Variants in TEKT5 observed in about 807,000 individuals in gnomAD.
TEKT5 encodes tektin-5.
A neutral mutation model predicts 48.7 loss-of-function variants in TEKT5; 52 were observed. That is an observed-to-expected ratio of 1.07 (90% CI 0.86 to 1.35). TEKT5 has a LOEUF of 1.35. TEKT5 is among the 40% of genes most tolerant of loss of function. The pLI is 0.00. For missense variants in TEKT5, 831 were observed against 641.6 expected (o/e 1.30, Z -3.19); for synonymous variants, 318 against 267.6 (o/e 1.19, Z -1.84).
intron 4 of TEKT5, 49 bp from the exon 5 acceptor site, chr16:10,676,230 T>C: frequency 6.3e-7 from 1 of 1,583,024 alleles, no homozygotes; most frequent in South Asian, 1.1e-5. Flanking sequence ...GACCTCAGAA[T>C]CTGTGGTTTC....
intron 3 of TEKT5, among the ~76,000 whole-genome samples, chr16:10,683,045 C>A (rs976578450): frequency 3.9e-5 from 6 of 152,130 alleles, no homozygotes; most frequent in African/African-American, 1.4e-4. Flanking sequence ...ATGTACAGAA[C>A]AGAATGGTAA....
In TEKT5 at chr16:10,676,088, CT is replaced by C. The variant is rs747661407; in HGVS notation, c.956del (p.Glu319GlyfsTer31). 4 of 1,614,248 alleles carry C rather than the reference CT, an allele frequency of 2.5e-6. No homozygotes were observed. The highest frequency in any genetic ancestry group is 3.4e-6 in the Non-Finnish European group (4 of 1,180,046). On this transcript the variant is annotated frameshift_variant, in exon 5 of 7. Transcript: ENST00000283025. LOFTEE classifies it high-confidence loss of function. ...ACAAGGTCTCAAAGAGGTGCTCCGC[CT>C]CCTCCCGCAGCTGGATGGAGTTGGC... ...MRANSIQLRE[E>X]AEHLFETLSD...
chr16:10,692,848 G>A (rs1034012514), intron 1 of TEKT5: 3 of 152,238 alleles, frequency 2.0e-5, no homozygotes, highest in Non-Finnish European at 2.9e-5. Context: ...ACATGCTGTG[G>A]GTGGCAGAAC....
chr16:10,646,148 A>G (rs1235127395), intron 5 of TEKT5, among the ~76,000 whole-genome samples: 1 of 152,070 alleles, frequency 6.6e-6, no homozygotes, highest in Non-Finnish European at 1.5e-5. Context: ...AAAAAAAAAA[A>G]ATTTGTTGAT....
chr16:10,641,541 C>A (rs1897994717), intron 5 of TEKT5, among the ~76,000 whole-genome samples: 1 of 152,178 alleles, frequency 6.6e-6, no homozygotes, highest in Non-Finnish European at 1.5e-5. Flanking sequence ...ACATAGAGGC[C>A]TGGCGTGGTA....
In TEKT5 at chr16:10,662,426, G is replaced by A. The variant is rs13331868; in HGVS notation, c.1086+13533C>T. ...CTAAGTCAGCAACAACGAGGAGGCG[G>A]CCCCAGGTTGGGGAGAACAATTGTT... On this transcript the variant is annotated intron_variant, in intron 5 of 6. Coordinates refer to ENST00000283025, the MANE Select transcript of TEKT5 (RefSeq NM_144674.2). Among the ~76,000 whole-genome samples, 871 of 152,260 alleles carry A rather than the reference G, an allele frequency of 5.7e-3. 12 individuals are homozygous for A. The highest frequency in any genetic ancestry group is 0.02 in the African/African-American group (841 of 41,542).
Position 10,650,659 on chromosome 16 carries a change from G to A in TEKT5, c.1087-14741C>T, listed in dbSNP as rs537564624. 9.9e-4 allele frequency among the ~76,000 whole-genome samples: 150 copies of A among 151,882 alleles called. 1 individual carries two copies. Among genetic ancestry groups the A allele is most frequent in the Non-Finnish European group, 2.9e-4 (20 of 67,964 alleles). On this transcript the variant is annotated intron_variant, in intron 5 of 6. Coordinates refer to ENST00000283025, the MANE Select transcript of TEKT5 (RefSeq NM_144674.2). ...AGCACTTTGGGATGCCAAGGCAGGC[G>A]GATCATCTGAGGTCAGGAGTTCGAG... is the stretch of plus-strand genomic sequence containing the variant.
rs1293314722 is a variant in TEKT5 at position 10,657,315 on chromosome 16, A to C, written c.1086+18644T>G. On this transcript the variant is annotated intron_variant, in intron 5 of 6. Transcript: ENST00000283025. ...TAATTTTTTTGTGTATTTAGTAGAA[A>C]CAGGGTTTCACCATGTTGGCCAGGC... Among the ~76,000 whole-genome samples, 9 of 151,434 alleles carry C rather than the reference A, an allele frequency of 5.9e-5. No individual in the cohort carries two copies. In the East Asian group the frequency reaches 1.8e-3, roughly 30 times the overall value.
intron 5 of TEKT5, among the ~76,000 whole-genome samples, chr16:10,659,469 T>C (rs901935359): frequency 1.3e-5 from 2 of 152,162 alleles, no homozygotes; most frequent in Non-Finnish European, 2.9e-5. Flanking sequence ...AAGCTCTGCC[T>C]CCCGAGTTCA....
chr16:10,641,326 G>A (rs756479063), intron 5 of TEKT5, among the ~76,000 whole-genome samples: 13 of 152,196 alleles, frequency 8.5e-5, no homozygotes, highest in South Asian at 4.2e-4. Context: ...GATATTAACC[G>A]AAAGAGGCTC....
In TEKT5 at chr16:10,690,623, T is replaced by A. The variant is rs1041524115; in HGVS notation, c.565-598A>T. 7 of 985,264 alleles carry A rather than the reference T, an allele frequency of 7.1e-6. No individual in the cohort carries two copies. The African/African-American group carries it at 1.2e-4, about 17-fold the overall frequency. The allele number at this position is 985,264 out of a possible 1,614,324, so 61.0% of individuals were successfully genotyped here. Reference sequence around the variant, plus strand: ...TGTGAATATGCATGAAAACCCCTCTTTGCAGATCTCCCAGTGGAGGGACAG... The same window carrying A: ...TGTGAATATGCATGAAAACCCCTCTATGCAGATCTCCCAGTGGAGGGACAG... On this transcript the variant is annotated intron_variant, in intron 1 of 6. Coordinates refer to ENST00000283025, the MANE Select transcript of TEKT5 (RefSeq NM_144674.2).
chr16:10,633,047 C>A (rs1897862023), intron 6 of TEKT5, among the ~76,000 whole-genome samples: 1 of 152,220 alleles, frequency 6.6e-6, no homozygotes, highest in African/African-American at 2.4e-5. Context: ...GCAACTCCCC[C>A]AGAAGCCCTG....
chr16:10,668,022 CA>C (rs1176309044), intron 5 of TEKT5, among the ~76,000 whole-genome samples: 1 of 152,082 alleles, frequency 6.6e-6, no homozygotes, highest in Admixed American at 6.6e-5. Flanking sequence ...GAACTACAGG[CA>C]TGCGCCACCA....
At chr16:10,637,336 C>T (rs538417932) in intron 5 of TEKT5, among the ~76,000 whole-genome samples, 112 of 135,154 alleles carry the variant, frequency 8.3e-4, no homozygotes, top group Non-Finnish European at 1.4e-3. Flanking sequence ...ACACCCAGCC[C>T]GCTTTAAAAA....
intron 6 of TEKT5, among the ~76,000 whole-genome samples, 180 bp downstream of exon 6, chr16:10,635,584 C>T (rs906972965): frequency 3.9e-5 from 6 of 152,094 alleles, no homozygotes; most frequent in African/African-American, 1.4e-4. Flanking sequence ...TGGTACAGCC[C>T]GAGCTGCATC....
At chr16:10,674,868 G>A (rs900753766) in intron 5 of TEKT5, among the ~76,000 whole-genome samples, 68 of 151,260 alleles carry the variant, frequency 4.5e-4, no homozygotes, top group African/African-American at 1.6e-3. Context: ...TGTCACCCAG[G>A]TTGGAGTGCA....
intron 5 of TEKT5, among the ~76,000 whole-genome samples, chr16:10,643,609 C>A (rs1300634276): frequency 2.6e-5 from 4 of 152,078 alleles, no homozygotes; most frequent in South Asian, 4.1e-4. Flanking sequence ...GTAACATGCA[C>A]CAGATTTTGA....
At position 10,689,993 on chromosome 16, in the gene TEKT5, C is replaced by T. The variant is rs1314089144; in HGVS notation, c.597G>A (p.Lys199=). The T allele has an allele frequency of 1.9e-6, 3 of 1,614,030 alleles. No homozygotes were observed. The highest frequency in any genetic ancestry group is 2.5e-6 in the Non-Finnish European group (3 of 1,180,036). The part of the protein sequence containing the change: ...VALECLYHRE[K]RIGIDLVHDN... ...CATGGACCAAATCAATCCCAATCCT[C>T]TTCTCTCGATGGTACAGACACTCCA... The change falls in exon 2 of 7, where the codon AAG becomes AAA. Residue 199 remains lysine (K), a synonymous_variant. Transcript: ENST00000283025.
intron 5 of TEKT5, among the ~76,000 whole-genome samples, chr16:10,668,550 C>T (rs1326632118): frequency 1.3e-5 from 2 of 152,176 alleles, no homozygotes; most frequent in Non-Finnish European, 2.9e-5. Flanking sequence ...CTTGGACAAA[C>T]AGAGGGGTTG....
Sources: allele counts gnomAD v4.1 joint callset (sites outside exome capture counted in the v4.1 genomes callset), GRCh38; gene constraint gnomAD v4.1.1; transcripts MANE v1.5; gene names NCBI Gene and HGNC (gene_info 2026-07-23, HGNC 2026-07-21).